The following PCDHA6 variants were observed in gnomAD, a reference collection of about 807,000 sequenced individuals.
PCDHA6 encodes the protein protocadherin alpha 6.
PCDHA6 carries 55 observed loss-of-function variants against 60.3 expected under a neutral mutation model. The observed-to-expected ratio is 0.91, with a 90% CI of 0.73 to 1.14. The LOEUF (loss-of-function observed/expected upper bound fraction) is 1.14, where lower values mean the gene tolerates loss of function less well. PCDHA6 is among the 50% of genes most tolerant of loss of function. The probability of loss-of-function intolerance (pLI) is 0.00; values close to 1 mark genes in which losing one functional copy is unlikely to be tolerated. For synonymous variants in PCDHA6, 652 were observed against 557.9 expected (o/e 1.17, Z -2.38); for missense variants, 1,327 against 1,256.5 (o/e 1.06, Z -0.85).
chr5:140,843,112 G>T lies in PCDHA6; in HGVS notation c.2394+12627G>T, dbSNP rs1581030644. 3.1e-6 allele frequency: 5 copies of T among 1,595,864 alleles called. 1 individual carries two copies. The highest frequency in any genetic ancestry group is 1.7e-4 in the Middle Eastern group (1 of 5,904). On this transcript the variant is annotated intron_variant, in intron 1 of 3. Coordinates refer to ENST00000529310, the MANE Select transcript of PCDHA6 (RefSeq NM_018909.4). Reference sequence around the variant, plus strand: ...ACGTGGTAGCGAAGGTGCGCGCAGTGGACGCCGACTCGGGCTACAACGCGT... The same window carrying T: ...ACGTGGTAGCGAAGGTGCGCGCAGTTGACGCCGACTCGGGCTACAACGCGT...
chr5:140,839,279 C>T (rs1208423796), intron 1 of PCDHA6, among the ~76,000 whole-genome samples: 7 of 151,924 alleles, frequency 4.6e-5, no homozygotes, highest in Non-Finnish European at 1.0e-4. Context: ...TAAAACCTTC[C>T]TAGCATATTA....
chr5:140,845,639 C>T (rs1007088730), intron 1 of PCDHA6, among the ~76,000 whole-genome samples: 1 of 149,600 alleles, frequency 6.7e-6, no homozygotes, highest in East Asian at 1.9e-4. Context: ...AAATCAAGTC[C>T]TCCCTTTACC....
intron 1 of PCDHA6, chr5:140,841,201 C>A: frequency 7.7e-7 from 1 of 1,296,960 alleles, no homozygotes; most frequent in South Asian, 1.5e-5. Flanking sequence ...TCTCTGACAG[C>A]ATCTGTCTCT....
intron 1 of PCDHA6, 46 bp downstream of exon 1, chr5:140,830,531 A>G (rs1369304780): frequency 3.9e-6 from 5 of 1,283,804 alleles, no homozygotes; most frequent in Non-Finnish European, 5.2e-6. Flanking sequence ...TTTTAAATTT[A>G]TAATTGTTTT....
At position 140,838,077 on chromosome 5, in the gene PCDHA6, A is replaced by AGTGT. The variant is rs57130401; in HGVS notation, c.2394+7643_2394+7646dup. On this transcript the variant is annotated intron_variant, in intron 1 of 3. Transcript: ENST00000529310. ...TTTCCACTTTAAGTTATATATATAT[A>AGTGT]GTGTGTGTGTGTGTGTGTGTGTGTG... is the stretch of plus-strand genomic sequence containing the variant. Among the ~76,000 whole-genome samples, 532 of 80,648 alleles carry AGTGT rather than the reference A, an allele frequency of 6.6e-3. 5 individuals are homozygous for AGTGT. Among genetic ancestry groups the AGTGT allele is most frequent in the South Asian group, 0.011 (25 of 2,340 alleles). The allele number at this position is 80,648 out of a possible 152,430, so 52.9% of individuals were successfully genotyped here.
intron 1 of PCDHA6, chr5:140,927,089 T>G: frequency 6.2e-7 from 1 of 1,612,460 alleles, no homozygotes; most frequent in Non-Finnish European, 8.5e-7. Flanking sequence ...GAGCTCTACT[T>G]CGGGGTGGAT....
chr5:140,843,234 A>G, intron 1 of PCDHA6: 2 of 1,595,886 alleles, frequency 1.3e-6, no homozygotes, highest in African/African-American at 1.3e-5. Context: ...CGTGTCCTGG[A>G]CGAAGCGGAC....
chr5:140,833,293 A>G (rs1772396864), intron 1 of PCDHA6, among the ~76,000 whole-genome samples: 2 of 152,200 alleles, frequency 1.3e-5, no homozygotes, highest in Non-Finnish European at 2.9e-5. Context: ...AAGCATCTGA[A>G]TACAGACATA....
intron 1 of PCDHA6, among the ~76,000 whole-genome samples, chr5:140,943,341 G>T (rs1021651625): frequency 5.3e-5 from 8 of 151,780 alleles, no homozygotes; most frequent in African/African-American, 1.9e-4. Context: ...CATTGGACAG[G>T]ATGAGAGTAG....
chr5:140,928,829 T>C, intron 1 of PCDHA6: 1 of 1,614,170 alleles, frequency 6.2e-7, no homozygotes, highest in Non-Finnish European at 8.5e-7. Context: ...GACCCACCAC[T>C]TTCCTCCTCT....
intron 1 of PCDHA6, chr5:140,835,640 C>G: frequency 5.6e-6 from 9 of 1,613,888 alleles, no homozygotes; most frequent in South Asian, 1.1e-5. Context: ...AGAGTGTGTC[C>G]GCCTATGAGC....
chr5:140,918,456 T>A (rs782254836), intron 1 of PCDHA6, among the ~76,000 whole-genome samples: 9 of 152,316 alleles, frequency 5.9e-5, no homozygotes, highest in South Asian at 4.1e-4. Flanking sequence ...GTGGGCATCC[T>A]TGTCTTATTC....
chr5:141,006,067 A>G (rs1202024176), intron 3 of PCDHA6, among the ~76,000 whole-genome samples: 4 of 151,950 alleles, frequency 2.6e-5, no homozygotes, highest in Admixed American at 6.6e-5. Flanking sequence ...AGAAATAAAA[A>G]TCAGATTATT....
At chr5:140,965,951 T>C (rs1484541931) in intron 1 of PCDHA6, among the ~76,000 whole-genome samples, 3 of 152,172 alleles carry the variant, frequency 2.0e-5, no homozygotes, top group East Asian at 1.9e-4. Flanking sequence ...GCATTTGCCA[T>C]CCCCCTCCTT....
intron 3 of PCDHA6, among the ~76,000 whole-genome samples, chr5:141,001,134 T>A (rs370176335): frequency 4.7e-4 from 72 of 152,158 alleles, no homozygotes; most frequent in African/African-American, 1.7e-3. Context: ...AACAAATGAA[T>A]CTTCTGTTGC....
rs1554132920 is a variant in PCDHA6 at position 140,830,554 on chromosome 5, C to A, written c.2394+69C>A. The A allele has an allele frequency of 4.7e-6, 5 of 1,064,408 alleles. No individual in the cohort carries two copies. In the African/African-American group the frequency reaches 8.2e-5, roughly 18 times the overall value. 65.9% of individuals were successfully genotyped at this position (1,064,408 alleles called of 1,614,324 possible). A position where few individuals can be genotyped will look rare whatever the true frequency, so the allele number is the denominator to read the frequency against. ...TTATAATTGTTTTCCTCATATTTGT[C>A]TTCTATATTTCTGTTTTTAATTTTT... On this transcript the variant is annotated intron_variant, in intron 1 of 3. Coordinates refer to ENST00000529310, the MANE Select transcript of PCDHA6 (RefSeq NM_018909.4).
In PCDHA6 at chr5:140,877,310, C is replaced by T. The variant is rs371801888; in HGVS notation, c.2394+46825C>T. ...GCTTGGCTGTCCTACGAGTTGCAACCGGCGGCGGTCGGCGCGCACATCCCG... is the reference window on the plus strand; with the variant it reads ...GCTTGGCTGTCCTACGAGTTGCAACTGGCGGCGGTCGGCGCGCACATCCCG... On this transcript the variant is annotated intron_variant, in intron 1 of 3. Transcript: ENST00000529310. 16 of 1,613,820 alleles carry T rather than the reference C, an allele frequency of 9.9e-6. No homozygotes were observed. In the African/African-American group the frequency reaches 1.9e-4, roughly 19 times the overall value.
chr5:140,892,757 A>G lies in PCDHA6; in HGVS notation c.2394+62272A>G, dbSNP rs140291258. 8.0e-3 allele frequency among the ~76,000 whole-genome samples: 1,217 copies of G among 152,310 alleles called. 7 individuals carry two copies. Among genetic ancestry groups the G allele is most frequent in the African/African-American group, 0.019 (784 of 41,562 alleles). ...CCATTTTTGCATGGTGAACATTTAA[A>G]ATCCACTCTTCTAGCTTCTTGAAAA... On this transcript the variant is annotated intron_variant, in intron 1 of 3. Transcript: ENST00000529310.
intron 1 of PCDHA6, chr5:140,883,965 T>A (rs781999874): frequency 1.9e-6 from 3 of 1,613,128 alleles, no homozygotes; most frequent in Non-Finnish European, 2.5e-6. Context: ...CCGGCGCTGC[T>A]GACGCCCGGG....
Sources: allele counts gnomAD v4.1 joint callset (sites outside exome capture counted in the v4.1 genomes callset), GRCh38; gene constraint gnomAD v4.1.1; transcripts MANE v1.5; gene names NCBI Gene and HGNC (gene_info 2026-07-23, HGNC 2026-07-21).